ABCG2: variants seen among roughly 807,000 people sequenced by gnomAD.
ABCG2 encodes ATP binding cassette subfamily G member 2 (JR blood group).
Under a neutral mutation model 73.5 loss-of-function variants are expected in ABCG2, and 80 were observed. The observed-to-expected ratio is 1.09, with a 90% confidence interval of 0.91 to 1.31. The LOEUF (loss-of-function observed/expected upper bound fraction) is 1.31. Ranked by LOEUF, ABCG2 falls within the 50% of genes most tolerant of loss-of-function variation. The probability of loss-of-function intolerance (pLI) is 0.00; values close to 1 mark genes in which losing one functional copy is unlikely to be tolerated. For missense variants in ABCG2, 796 were observed against 786.2 expected (o/e 1.01, Z -0.15); for synonymous variants, 269 against 282.4 (o/e 0.95, Z 0.48).
chr4:88,101,826 A>G (rs28398289), intron 10 of ABCG2, among the ~76,000 whole-genome samples: 1 of 152,248 alleles, frequency 6.6e-6, no homozygotes, highest in Non-Finnish European at 1.5e-5. Context: ...AGACTTTCAG[A>G]CTAGAACTGA....
At chr4:88,167,375 T>C (rs1727569923) in intron 1 of ABCG2, among the ~76,000 whole-genome samples, 1 of 146,360 alleles carries the variant, frequency 6.8e-6, no homozygotes, top group Non-Finnish European at 1.5e-5. Context: ...TCTGCCTTTT[T>C]TTTTTTTTTT....
At chr4:88,223,677 C>CACCACT (rs571503636) in intron 1 of ABCG2, 103 of 152,666 alleles carry the variant, frequency 6.7e-4, no homozygotes, top group Admixed American at 1.8e-3. Flanking sequence ...AGCGAACACA[C>CACCACT]ACCACTACTG....
chr4:88,172,258 C>CA (rs1553942225), intron 1 of ABCG2, among the ~76,000 whole-genome samples: 1 of 149,172 alleles, frequency 6.7e-6, no homozygotes, highest in Non-Finnish European at 1.5e-5. Flanking sequence ...CACACCACTG[C>CA]ACTCCAGCCT....
chr4:88,094,603 T>G lies in ABCG2; in HGVS notation c.1794A>C (p.Thr598=). Residue 598 remains threonine (T), a synonymous_variant, in exon 15 of 16, where the codon ACA becomes ACC. Transcript: ENST00000237612. The part of the protein sequence containing the change: ...GQNFCPGLNA[T]GNNPCNYATC... ...TTGCATAGTTACAAGGATTGTTTCC[T>G]GTTGCATTGAGTCCTGGGCAGAAGT... 1.2e-6 allele frequency: 2 copies of G among 1,614,044 alleles called. No individual in the cohort carries two copies. The highest frequency in any genetic ancestry group is 1.7e-6 in the Non-Finnish European group (2 of 1,179,860).
intron 1 of ABCG2, chr4:88,223,913 A>G (rs1455125812): frequency 6.6e-6 from 1 of 151,452 alleles, no homozygotes; most frequent in Non-Finnish European, 1.5e-5. Context: ...TTATTGGGGT[A>G]AAGTGGTATC....
intron 1 of ABCG2, among the ~76,000 whole-genome samples, chr4:88,227,093 C>T (rs1198290238): frequency 6.6e-6 from 1 of 152,054 alleles, no homozygotes; most frequent in Non-Finnish European, 1.5e-5. Flanking sequence ...CAGCAATACC[C>T]TGTCTAAAAA....
At chr4:88,108,558 TA>T (rs1359381687) in intron 9 of ABCG2, among the ~76,000 whole-genome samples, 4 of 151,688 alleles carry the variant, frequency 2.6e-5, no homozygotes, top group Admixed American at 2.6e-4. Context: ...TAAATAAGAA[TA>T]AAAAAATAAG....
At chr4:88,154,902 C>T (rs568863511) in intron 1 of ABCG2, among the ~76,000 whole-genome samples, 14 of 152,266 alleles carry the variant, frequency 9.2e-5, no homozygotes, top group Admixed American at 1.3e-4. Context: ...ATTAGGGCGG[C>T]GGCAGCCACT....
chr4:88,107,025 G>A (rs993435642), intron 10 of ABCG2, among the ~76,000 whole-genome samples, 159 bp downstream of exon 10: 4 of 152,198 alleles, frequency 2.6e-5, no homozygotes, highest in Non-Finnish European at 5.9e-5. Context: ...CTGGGCAACA[G>A]AGCATGACTC....
At chr4:88,152,245 C>A (rs138867860) in intron 1 of ABCG2, among the ~76,000 whole-genome samples, 7 of 152,300 alleles carry the variant, frequency 4.6e-5, no homozygotes, top group African/African-American at 1.7e-4. Flanking sequence ...AATTTTACTT[C>A]TTTCCCATAA....
At chr4:88,153,344 T>C (rs1726671669) in intron 1 of ABCG2, among the ~76,000 whole-genome samples, 1 of 152,062 alleles carries the variant, frequency 6.6e-6, no homozygotes, top group South Asian at 2.1e-4. Context: ...GGAATGAGAC[T>C]GGGGCCTAAT....
intron 1 of ABCG2, among the ~76,000 whole-genome samples, chr4:88,144,305 C>T (rs1725826972): frequency 1.3e-5 from 2 of 152,174 alleles, no homozygotes; most frequent in African/African-American, 4.8e-5. Flanking sequence ...TTAGCCAACT[C>T]AAAAAGCCCT....
intron 1 of ABCG2, among the ~76,000 whole-genome samples, chr4:88,184,314 A>G (rs1185246211): frequency 6.6e-6 from 1 of 152,220 alleles, no homozygotes; most frequent in Non-Finnish European, 1.5e-5. Context: ...GAAAAACTAA[A>G]GACTCCAGCA....
At position 88,109,351 on chromosome 4, in the gene ABCG2, T is replaced by C. The variant is rs138438030; in HGVS notation, c.1195-2085A>G. Among the ~76,000 whole-genome samples the C allele has an allele frequency of 2.4e-4, 36 of 152,338 alleles. 1 individual carries two copies. Among genetic ancestry groups the C allele is most frequent in the African/African-American group, 7.0e-4 (29 of 41,588 alleles). On this transcript the variant is annotated intron_variant, in intron 9 of 15. Transcript: ENST00000237612. Reference sequence around the variant, plus strand: ...GCTTTGTCAAGTTTTCATTCAAACTTGTTATCTTATACTAACACTGAGTAT... The same window carrying C: ...GCTTTGTCAAGTTTTCATTCAAACTCGTTATCTTATACTAACACTGAGTAT...
chr4:88,176,393 T>C (rs1034004319), intron 1 of ABCG2, among the ~76,000 whole-genome samples: 2 of 151,934 alleles, frequency 1.3e-5, no homozygotes, highest in Non-Finnish European at 2.9e-5. Flanking sequence ...TCTCATGTCA[T>C]CTTTTATCAA....
intron 6 of ABCG2, among the ~76,000 whole-genome samples, chr4:88,120,726 C>T (rs117815474): frequency 0.022 from 3,374 of 152,130 alleles, 181 homozygotes; most frequent in East Asian, 0.21. Context: ...ATTTTACAGG[C>T]CCATAGGTGG....
intron 1 of ABCG2, among the ~76,000 whole-genome samples, chr4:88,209,100 G>A (rs966832699): frequency 6.6e-6 from 1 of 151,894 alleles, no homozygotes; most frequent in Non-Finnish European, 1.5e-5. Flanking sequence ...ATCACCTGAG[G>A]TCAGTTCAAT....
At chr4:88,223,977 T>C (rs914262696) in intron 1 of ABCG2, 1 of 152,222 alleles carries the variant, frequency 6.6e-6, no homozygotes, top group African/African-American at 2.4e-5. Flanking sequence ...GAGCATCTTT[T>C]CATGTGCTTA....
At position 88,094,681 on chromosome 4, in the gene ABCG2, G is replaced by A. The variant is rs768599475; in HGVS notation, c.1738-22C>T. ...AAGCCTATAACACAAGTGGGAGCAGGGCAAGGTAAACAGTTTTAAATTTCA... is the reference window on the plus strand; with the variant it reads ...AAGCCTATAACACAAGTGGGAGCAGAGCAAGGTAAACAGTTTTAAATTTCA... On this transcript the variant is annotated intron_variant, in intron 14 of 15. Coordinates refer to ENST00000237612, the MANE Select transcript of ABCG2 (RefSeq NM_004827.3). The A allele has an allele frequency of 1.9e-6, 3 of 1,587,532 alleles. No individual in the cohort carries two copies. The African/African-American group carries it at 4.0e-5, about 21-fold the overall frequency.
Sources: gnomAD v4.1 joint callset for allele counts (sites outside exome capture counted in the v4.1 genomes callset) on GRCh38, gnomAD v4.1.1 for gene constraint, MANE v1.5 for transcripts, NCBI Gene and HGNC (gene_info 2026-07-23, HGNC 2026-07-21) for gene names.